Variants in PFKM observed in about 807,000 individuals in gnomAD.
The protein encoded by PFKM is ATP-dependent 6-phosphofructokinase, muscle type.
Under a neutral mutation model 95.5 loss-of-function variants are expected in PFKM, and 58 were observed. The observed-to-expected ratio is 0.61, with a 90% confidence interval of 0.49 to 0.76. The LOEUF (loss-of-function observed/expected upper bound fraction) is 0.76. PFKM is among the 30% of genes least tolerant of loss of function. The probability of loss-of-function intolerance (pLI) is 0.00; values close to 1 mark genes in which losing one functional copy is unlikely to be tolerated. For missense variants in PFKM, 678 were observed against 1,005.4 expected (o/e 0.67, Z 4.40); for synonymous variants, 336 against 357.2 (o/e 0.94, Z 0.67).
Position 48,141,721 on chromosome 12 carries a change from G to A in PFKM, c.1413-19G>A, listed in dbSNP as rs199656314. 255 of 1,567,482 alleles carry A rather than the reference G, an allele frequency of 1.6e-4. 1 individual carries two copies. The highest frequency in any genetic ancestry group is 6.9e-5 in the Non-Finnish European group (79 of 1,137,984). ...AATTCCAATTCCCCTTCCCCTCCCC[G>A]CCATCACTGATCAACTAGGACTCTA... On this transcript the variant is annotated intron_variant, in intron 15 of 22. Coordinates refer to ENST00000359794, the MANE Select transcript of PFKM (RefSeq NM_000289.6).
chr12:48,139,191 C>A (rs940171577), intron 11 of PFKM, 94 bp from the exon 12 acceptor site: 2 of 956,036 alleles, frequency 2.1e-6, no homozygotes, highest in Non-Finnish European at 3.4e-6. Flanking sequence ...TAGTCACAAT[C>A]CCAGAGATGG....
chr12:48,145,866 A>G lies in PFKM; in HGVS notation c.*158A>G. 1 of 730,012 alleles carries G rather than the reference A, an allele frequency of 1.4e-6. No homozygotes were observed. The highest frequency in any genetic ancestry group is 1.7e-5 in the South Asian group (1 of 57,764). The allele number at this position is 730,012 out of a possible 1,614,324, so 45.2% of individuals were successfully genotyped here. The stretch of plus-strand genomic sequence containing the variant: ...AGTTCTGGCCAGGAGCTGGAGGAGC[A>G]GGCAGTGGGTGGGAGCTCCTTTTAG... On this transcript the variant is annotated 3_prime_UTR_variant, in exon 23 of 23. Transcript: ENST00000359794. The surrounding 1 kb of genome is among the most constrained non-coding windows in gnomAD (Gnocchi z 4.3).
At chr12:48,142,414 A>G (rs1950652278) in intron 17 of PFKM, 1 of 434,212 alleles carries the variant, frequency 2.3e-6, no homozygotes. Flanking sequence ...CGGAGGTTGC[A>G]GTGAGCAGAG....
At chr12:48,143,584 C>T (rs539581464) in intron 18 of PFKM, among the ~76,000 whole-genome samples, 169 bp from the exon 19 acceptor site, 15 of 152,330 alleles carry the variant, frequency 9.8e-5, no homozygotes, top group Admixed American at 7.2e-4. Context: ...GTTTAAATTT[C>T]AGTCCACACT....
chr12:48,112,106 G>A (rs1336972636), intron 3 of PFKM, among the ~76,000 whole-genome samples: 3 of 152,154 alleles, frequency 2.0e-5, no homozygotes, highest in Non-Finnish European at 4.4e-5. Context: ...CGACTGCACG[G>A]CCCTGCACTT....
rs547854470 is a variant in PFKM, at chr12:48,140,095, C to T, written c.1191+183C>T. On this transcript the variant is annotated intron_variant, in intron 13 of 22. Coordinates refer to ENST00000359794, the MANE Select transcript of PFKM (RefSeq NM_000289.6). ...CTCTTAACCACCCCAGATACCAGAGCCCCCTTCTTAGTGTACCCTGGATAT... is the reference window on the plus strand; with the variant it reads ...CTCTTAACCACCCCAGATACCAGAGTCCCCTTCTTAGTGTACCCTGGATAT... Among the ~76,000 whole-genome samples the T allele has an allele frequency of 4.7e-4, 72 of 152,326 alleles. No individual in the cohort carries two copies. The Middle Eastern group carries it at 0.014, about 29-fold the overall frequency.
At position 48,132,883 on chromosome 12, in the gene PFKM, G is replaced by A. The variant is rs1949663359; in HGVS notation, c.253G>A (p.Gly85Arg). Residue 85 changes from glycine to arginine, a missense_variant, in exon 5 of 23, where the codon GGA becomes AGA. Physicochemically the swap from Gly to Arg is moderately radical, Grantham distance 125. Coordinates refer to ENST00000359794, the MANE Select transcript of PFKM (RefSeq NM_000289.6). Reference protein sequence around the residue: ...MMLQLGGTVIGSARCKDFRER... With the variant: ...MMLQLGGTVIRSARCKDFRER... Reference sequence around the variant, plus strand: ...TCTTCCAAAGGGAGGCACGGTGATTGGAAGTGCCCGGTGCAAGGACTTTCG... The same window carrying A: ...TCTTCCAAAGGGAGGCACGGTGATTAGAAGTGCCCGGTGCAAGGACTTTCG... 1 of 1,613,028 alleles carries A rather than the reference G, an allele frequency of 6.2e-7. No individual in the cohort carries two copies. Among genetic ancestry groups the A allele is most frequent in the African/African-American group, 1.3e-5 (1 of 74,910 alleles).
intron 3 of PFKM, 47 bp from the exon 4 acceptor site, chr12:48,131,269 T>G: frequency 7.6e-7 from 1 of 1,321,932 alleles, no homozygotes; most frequent in East Asian, 2.3e-5. Flanking sequence ...ATCTTGGGAA[T>G]TTATAGAGAA....
chr12:48,105,400 A>G (rs1435481232), upstream of PFKM: 1 of 519,072 alleles, frequency 1.9e-6, no homozygotes, highest in Admixed American at 1.9e-5. Flanking sequence ...CAAGGGAATT[A>G]CCAGGAGGCG....
exon 1 of PFKM, chr12:48,105,974 T>G: frequency 1.4e-6 from 1 of 699,654 alleles, no homozygotes; most frequent in East Asian, 2.7e-5. Flanking sequence ...CACAGTCTCC[T>G]GGACCAGGCT....
chr12:48,109,488 A>G (rs1812188433), intron 3 of PFKM, among the ~76,000 whole-genome samples: 1 of 151,722 alleles, frequency 6.6e-6, no homozygotes, highest in African/African-American at 2.4e-5. Flanking sequence ...GTTTTTTCCT[A>G]TTGTTTATTG....
intron 12 of PFKM, 51 bp downstream of exon 12, chr12:48,139,400 G>A (rs778226839): frequency 7.1e-6 from 10 of 1,401,442 alleles, no homozygotes; most frequent in Middle Eastern, 1.8e-4. Context: ...AGGCGTGAAC[G>A]AAGCCAAAGA....
At chr12:48,107,836 A>G (rs1441815603) in intron 2 of PFKM, among the ~76,000 whole-genome samples, 1 of 152,202 alleles carries the variant, frequency 6.6e-6, no homozygotes, top group African/African-American at 2.4e-5. Flanking sequence ...AGCCCTAAGG[A>G]AAAATGGCCT....
rs1025334594 is a variant in PFKM, at chr12:48,136,154, C to T, written c.936+771C>T. ...CACCCGCCTCGGCCTCCCAAAATGC[C>T]GGGATTACAGGCGTGAGCCACTGCG... On this transcript the variant is annotated intron_variant, in intron 10 of 22. Coordinates refer to ENST00000359794, the MANE Select transcript of PFKM (RefSeq NM_000289.6). Among the ~76,000 whole-genome samples, 14 of 152,094 alleles carry T rather than the reference C, an allele frequency of 9.2e-5. 1 individual carries two copies. The highest frequency in any genetic ancestry group is 3.9e-4 in the Admixed American group (6 of 15,270).
At chr12:48,127,856 C>T (rs1949017999) in intron 2 of PFKM, among the ~76,000 whole-genome samples, 1 of 152,174 alleles carries the variant, frequency 6.6e-6, no homozygotes, top group African/African-American at 2.4e-5. Flanking sequence ...AAAGAAATGT[C>T]CATGCCTGCA....
Position 48,145,083 on chromosome 12 carries a change from A to C in PFKM, c.2045A>C (p.Lys682Thr). The change falls in exon 21 of 23, where the codon AAG becomes ACG. Residue 682 changes from lysine to threonine, a missense_variant. By Grantham distance (78) the Lys-to-Thr change is moderately conservative. Transcript: ENST00000359794. This position sits in a 1 kb window ranked among gnomAD's most constrained non-coding sequence, Gnocchi z 4.3. Reference protein sequence around the residue: ...DRNFATKMGAKAMNWMSGKIK... With the variant: ...DRNFATKMGATAMNWMSGKIK... ...AATTTTGCCACTAAGATGGGCGCCA[A>C]GGCTATGAACTGGATGTCTGGGAAA... 6.2e-7 allele frequency: 1 copy of C among 1,614,172 alleles called. No individual in the cohort carries two copies. The highest frequency in any genetic ancestry group is 8.5e-7 in the Non-Finnish European group (1 of 1,180,024).
chr12:48,119,463 G>C, intron 1 of PFKM, 57 bp downstream of exon 1: 2 of 957,260 alleles, frequency 2.1e-6, no homozygotes, highest in Non-Finnish European at 2.5e-6. Flanking sequence ...AGGTGGGAAG[G>C]TATGGGCCGG....
chr12:48,135,026 A>G lies in PFKM; in HGVS notation c.831A>G (p.Glu277=), dbSNP rs1201994523. The G allele has an allele frequency of 6.2e-7, 1 of 1,612,224 alleles. No homozygotes were observed. The highest frequency in any genetic ancestry group is 1.7e-5 in the Admixed American group (1 of 60,020). ...IDKNGKPITS[E]DIKNLVVKRL... ...AGAATGGAAAACCAATCACCTCAGAAGACATCAAGAATGTTCGTATGAATG... is the reference window on the plus strand; with the variant it reads ...AGAATGGAAAACCAATCACCTCAGAGGACATCAAGAATGTTCGTATGAATG... The change falls in exon 9 of 23, where the codon GAA becomes GAG. Residue 277 remains glutamate (E), a synonymous_variant. Transcript: ENST00000359794.
rs1950470290 is a variant in PFKM, at chr12:48,140,338, C to A, written c.1192-384C>A. Among the ~76,000 whole-genome samples the A allele has an allele frequency of 4.6e-5, 7 of 152,326 alleles. No individual in the cohort carries two copies. The South Asian group carries it at 1.4e-3, about 32-fold the overall frequency. ...AACATGCAAACTCCTGGGCCCCTCTCTCAGAGGAGATTCATATCTGGGTAG... is the reference window on the plus strand; with the variant it reads ...AACATGCAAACTCCTGGGCCCCTCTATCAGAGGAGATTCATATCTGGGTAG... On this transcript the variant is annotated intron_variant, in intron 13 of 22. Transcript: ENST00000359794.
Sources: gnomAD v4.1 joint callset for allele counts (sites outside exome capture counted in the v4.1 genomes callset) on GRCh38, gnomAD v4.1.1 for gene constraint, Gnocchi (gnomAD v3.1) non-coding constraint, MANE v1.5 for transcripts, NCBI Gene and HGNC (gene_info 2026-07-23, HGNC 2026-07-21) for gene names.